AKAP6: variants seen among roughly 807,000 people sequenced by gnomAD.
The protein encoded by AKAP6 is A-kinase anchoring protein 6, also known as A-kinase anchor protein 6.
AKAP6 carries 58 observed loss-of-function variants against 188.5 expected under a neutral mutation model. The ratio of observed to expected loss-of-function variants is 0.31; its 90% CI spans 0.25 to 0.38. AKAP6 has a LOEUF of 0.38. Ranked by LOEUF, AKAP6 falls within the 10% of genes least tolerant of loss-of-function variation. The pLI is 1.00. For missense variants in AKAP6, 2,710 were observed against 2,740.0 expected (o/e 0.99, Z 0.24); for synonymous variants, 989 against 998.6 (o/e 0.99, Z 0.18).
At chr14:32,402,382 A>T (rs919703431) in intron 1 of AKAP6, among the ~76,000 whole-genome samples, 4 of 152,228 alleles carry the variant, frequency 2.6e-5, no homozygotes, top group African/African-American at 9.6e-5. Flanking sequence ...TCCTAAAATT[A>T]AATTTTTCAG....
At chr14:32,539,306 T>C (rs962007723) in intron 3 of AKAP6, among the ~76,000 whole-genome samples, 3 of 152,204 alleles carry the variant, frequency 2.0e-5, no homozygotes, top group African/African-American at 7.2e-5. Context: ...TGGTAAGCAC[T>C]TACCTAAATG....
At chr14:32,534,139 A>AT (rs1566560257) in intron 2 of AKAP6, among the ~76,000 whole-genome samples, 1 of 152,064 alleles carries the variant, frequency 6.6e-6, no homozygotes, top group East Asian at 1.9e-4. Flanking sequence ...ATATATTTTC[A>AT]TTTTTCTCTT....
chr14:32,592,821 A>G (rs1885541872), intron 5 of AKAP6, among the ~76,000 whole-genome samples: 1 of 152,160 alleles, frequency 6.6e-6, no homozygotes, highest in African/African-American at 2.4e-5. Flanking sequence ...TCATCTATAG[A>G]TGAAGAAACT....
chr14:32,462,901 C>CAAAAAAAAAAAAAAAAAA (rs71143943), intron 2 of AKAP6, among the ~76,000 whole-genome samples: 3 of 8,838 alleles, frequency 3.4e-4, no homozygotes, highest in African/African-American at 8.9e-4. Context: ...AAATGGAAAG[C>CAAAAAAAAAAAAAAAAAA]AAAAAAAAAA....
At chr14:32,735,903 G>A in intron 11 of AKAP6, 21 bp downstream of exon 11, 1 of 1,549,228 alleles carries the variant, frequency 6.5e-7, no homozygotes, top group Non-Finnish European at 8.7e-7. Flanking sequence ...AACAATCAAA[G>A]TTGATAAAAA....
chr14:32,452,179 A>G (rs555265486), intron 2 of AKAP6, among the ~76,000 whole-genome samples: 3 of 151,506 alleles, frequency 2.0e-5, no homozygotes, highest in Non-Finnish European at 4.4e-5. Context: ...CACCACACCC[A>G]GGTCACCATG....
Position 32,546,735 on chromosome 14 carries a change from C to T in AKAP6, c.2082C>T (p.Gly694=), listed in dbSNP as rs1184722358. ...YHVKKKHTRL[G]RVSPSSSSDI... ...TCAAAAAGAAGCATACAAGGCTAGGCAGGGTGTCTCCAAGCTCATCTAGTG... is the reference window on the plus strand; with the variant it reads ...TCAAAAAGAAGCATACAAGGCTAGGTAGGGTGTCTCCAAGCTCATCTAGTG... Residue 694 remains glycine (G), a synonymous_variant, in exon 4 of 14, where the codon GGC becomes GGT. Transcript: ENST00000280979. 1.9e-6 allele frequency: 3 copies of T among 1,614,070 alleles called. No homozygotes were observed. The Admixed American group carries it at 5.0e-5, about 27-fold the overall frequency.
At chr14:32,520,262 T>C (rs974674177) in intron 2 of AKAP6, among the ~76,000 whole-genome samples, 11 of 152,114 alleles carry the variant, frequency 7.2e-5, no homozygotes, top group South Asian at 6.2e-4. Flanking sequence ...CTAAAATTGA[T>C]ACCCTAACAT....
intron 1 of AKAP6, among the ~76,000 whole-genome samples, chr14:32,352,764 C>T (rs1247030613): frequency 6.6e-6 from 1 of 152,174 alleles, no homozygotes; most frequent in Non-Finnish European, 1.5e-5. Flanking sequence ...GAATAATATT[C>T]CATTGCGTAT....
intron 7 of AKAP6, among the ~76,000 whole-genome samples, chr14:32,615,769 G>C (rs1228207636): frequency 6.6e-6 from 1 of 151,724 alleles, no homozygotes; most frequent in Admixed American, 6.6e-5. Flanking sequence ...CTAATTTTTT[G>C]TATTTTTAGA....
At chr14:32,343,226 C>T (rs965453278) in intron 1 of AKAP6, among the ~76,000 whole-genome samples, 2 of 144,110 alleles carry the variant, frequency 1.4e-5, no homozygotes, top group African/African-American at 2.6e-5. Flanking sequence ...CCTTCCTTGT[C>T]AAGTATACCT....
chr14:32,801,659 C>G (rs1041411177), intron 12 of AKAP6, among the ~76,000 whole-genome samples: 1 of 152,160 alleles, frequency 6.6e-6, no homozygotes, highest in African/African-American at 2.4e-5. Flanking sequence ...CCCTAAATAA[C>G]TATTTTTAAT....
intron 12 of AKAP6, among the ~76,000 whole-genome samples, chr14:32,809,046 G>A (rs2034157652): frequency 6.6e-6 from 1 of 152,156 alleles, no homozygotes; most frequent in African/African-American, 2.4e-5. Flanking sequence ...TCAGTATTAT[G>A]AATGTAAAAT....
At chr14:32,785,924 G>A (rs1449660609) in intron 12 of AKAP6, among the ~76,000 whole-genome samples, 1 of 152,110 alleles carries the variant, frequency 6.6e-6, no homozygotes, top group Non-Finnish European at 1.5e-5. Context: ...GAAGACACAA[G>A]TATCATTCTC....
chr14:32,366,468 T>G (rs1054459127), intron 1 of AKAP6, among the ~76,000 whole-genome samples: 1 of 152,152 alleles, frequency 6.6e-6, no homozygotes, highest in Admixed American at 6.5e-5. Flanking sequence ...GTGGGTGGGA[T>G]GAGTTGTGGG....
chr14:32,765,995 C>G (rs1243222331), intron 11 of AKAP6, among the ~76,000 whole-genome samples: 1 of 152,002 alleles, frequency 6.6e-6, no homozygotes, highest in Non-Finnish European at 1.5e-5. Flanking sequence ...TAAAAGAAAC[C>G]CCTTACCCAT....
At chr14:32,792,972 A>C (rs989227148) in intron 12 of AKAP6, among the ~76,000 whole-genome samples, 1 of 152,204 alleles carries the variant, frequency 6.6e-6, no homozygotes, top group African/African-American at 2.4e-5. Flanking sequence ...CAGGCAAGCA[A>C]ATGCTGAGGG....
At chr14:32,586,905 A>G (rs575623072) in intron 5 of AKAP6, among the ~76,000 whole-genome samples, 1 of 152,354 alleles carries the variant, frequency 6.6e-6, no homozygotes, top group East Asian at 1.9e-4. Flanking sequence ...AATACCTTTC[A>G]TATGAAATTT....
intron 2 of AKAP6, among the ~76,000 whole-genome samples, chr14:32,496,983 C>G (rs1258248612): frequency 1.3e-5 from 2 of 152,094 alleles, no homozygotes; most frequent in African/African-American, 4.8e-5. Context: ...TTTGTTTGGT[C>G]TCTTAAAAAG....
Sources: allele counts gnomAD v4.1 joint callset (sites outside exome capture counted in the v4.1 genomes callset), GRCh38; gene constraint gnomAD v4.1.1; transcripts MANE v1.5; gene names NCBI Gene and HGNC (gene_info 2026-07-23, HGNC 2026-07-21).